The following ZNF75D variants were observed in gnomAD, a reference collection of about 807,000 sequenced individuals.
ZNF75D encodes zinc finger protein 75D, also known as zinc finger protein 75.
In ZNF75D, 33 loss-of-function variants were observed where a neutral mutation model predicts 33.3. The observed-to-expected ratio is 0.99, with a 90% CI of 0.75 to 1.32. ZNF75D has a LOEUF of 1.32. ZNF75D is among the 40% of genes most tolerant of loss of function. ZNF75D has a pLI of 0.00. For synonymous variants in ZNF75D, 113 were observed against 130.6 expected, an observed-to-expected ratio of 0.87 and a Z score of 0.92; for missense variants, 338 against 367.5, an observed-to-expected ratio of 0.92 and a Z score of 0.66.
chrX:135,288,274 C>T (rs782013106), intron 6 of ZNF75D, among the ~76,000 whole-genome samples: 11 of 112,102 alleles, frequency 9.8e-5, no homozygotes, highest in East Asian at 2.8e-4. Flanking sequence ...ATGTGACTAG[C>T]GCCAATGTGC....
At chrX:135,299,807 G>T (rs986188869) in intron 1 of ZNF75D, among the ~76,000 whole-genome samples, 2 of 112,349 alleles carry the variant, frequency 1.8e-5, no homozygotes, top group African/African-American at 6.5e-5. Flanking sequence ...ATCTAAGATA[G>T]AGGTACAACT....
At chrX:135,265,150 C>G (rs2083858148) in intron 1 of ZNF75D, among the ~76,000 whole-genome samples, 1 of 107,655 alleles carries the variant, frequency 9.3e-6, no homozygotes, top group South Asian at 4.1e-4. Flanking sequence ...ACCCGGGAGG[C>G]AGAGGTTGCA....
chrX:135,280,174 G>A (rs1281233754), intron 1 of ZNF75D, among the ~76,000 whole-genome samples: 3 of 111,741 alleles, frequency 2.7e-5, no homozygotes, highest in African/African-American at 9.8e-5. Flanking sequence ...CTCCTGTATT[G>A]GGTGCATATA....
intron 1 of ZNF75D, among the ~76,000 whole-genome samples, chrX:135,259,962 C>T (rs1198876220): frequency 1.8e-5 from 2 of 111,823 alleles, no homozygotes; most frequent in African/African-American, 3.3e-5. Context: ...TTTTGAGATA[C>T]GTTCCATCAG....
chrX:135,309,885 A>T (rs1158732895), intron 1 of ZNF75D, among the ~76,000 whole-genome samples: 13 of 111,784 alleles, frequency 1.2e-4, no homozygotes, highest in Admixed American at 1.0e-3. Flanking sequence ...CCTAACGCAC[A>T]GTGCAGGGGT....
At chrX:135,285,302 C>T (rs962076867), downstream of ZNF75D, among the ~76,000 whole-genome samples, 2 of 111,900 alleles carry the variant, frequency 1.8e-5, no homozygotes, top group African/African-American at 6.5e-5. Context: ...TTTCAGGAAT[C>T]TCAAGTTGAG....
At chrX:135,323,880 T>C (rs1352452864) in intron 1 of ZNF75D, among the ~76,000 whole-genome samples, 1 of 111,069 alleles carries the variant, frequency 9.0e-6, no homozygotes, top group Non-Finnish European at 1.9e-5. Flanking sequence ...AAGTGCATCC[T>C]TTCAGTCAGC....
At chrX:135,292,680 G>C (rs941774645) in intron 3 of ZNF75D, among the ~76,000 whole-genome samples, 2 of 112,328 alleles carry the variant, frequency 1.8e-5, no homozygotes, top group East Asian at 2.8e-4. Flanking sequence ...AGAAAAAGCT[G>C]TGACTACTGC....
chrX:135,308,995 G>C (rs781920715), intron 1 of ZNF75D, among the ~76,000 whole-genome samples: 1 of 111,972 alleles, frequency 8.9e-6, no homozygotes, highest in African/African-American at 3.2e-5. Flanking sequence ...AATGAATTTT[G>C]TTATGGATAG....
downstream of ZNF75D, among the ~76,000 whole-genome samples, chrX:135,285,362 G>C (rs1219577070): frequency 1.8e-5 from 2 of 111,914 alleles, no homozygotes; most frequent in Non-Finnish European, 3.8e-5. Context: ...ATAGCTAGCT[G>C]AATTGGGACA....
At chrX:135,273,758 G>A (rs1602588175) in intron 1 of ZNF75D, among the ~76,000 whole-genome samples, 1 of 111,606 alleles carries the variant, frequency 9.0e-6, no homozygotes, top group East Asian at 2.8e-4. Flanking sequence ...ATAATACTAA[G>A]CCCTCCTTAG....
intron 1 of ZNF75D, among the ~76,000 whole-genome samples, chrX:135,310,180 C>G (rs782676905): frequency 8.9e-6 from 1 of 112,137 alleles, no homozygotes; most frequent in South Asian, 3.7e-4. Flanking sequence ...GGGGCAACTG[C>G]TCTATTCAGT....
chrX:135,329,470 G>A (rs1204484113), intron 1 of ZNF75D, among the ~76,000 whole-genome samples: 3 of 111,427 alleles, frequency 2.7e-5, no homozygotes, highest in African/African-American at 9.8e-5. Context: ...TAGAGATGGG[G>A]TTTCACCATT....
Position 135,306,161 on chromosome X carries a change from T to C in ZNF75D, c.-390-10122A>G, listed in dbSNP as rs782415395. ...AGAGGCCAGACTGGGTCTTAAGTAT[T>C]TGTTTGCCTTCCTCCTGGTGCTCTG... On this transcript the variant is annotated intron_variant, in intron 1 of 6. Transcript: ENST00000370766. 6.3e-5 allele frequency among the ~76,000 whole-genome samples: 7 copies of C among 110,256 alleles called. No individual in the cohort carries two copies. The South Asian group carries it at 2.7e-3, about 43-fold the overall frequency.
At position 135,286,889 on chromosome X, in the gene ZNF75D, A is replaced by T; in HGVS notation, c.*248T>A. On this transcript the variant is annotated 3_prime_UTR_variant, in exon 7 of 7. Transcript: ENST00000370766. ...TAACCAGATATATACATATAGATAG[A>T]TAGCTAAAGGAATCTCATCACTACA... 1 of 374,197 alleles carries T rather than the reference A, an allele frequency of 2.7e-6. No homozygotes were observed. The highest frequency in any genetic ancestry group is 4.6e-6 in the Non-Finnish European group (1 of 219,093). 30.8% of individuals were successfully genotyped at this position (374,197 alleles called of 1,213,427 possible).
intron 1 of ZNF75D, among the ~76,000 whole-genome samples, chrX:135,304,333 T>C (rs781857398): frequency 9.0e-6 from 1 of 111,293 alleles, no homozygotes; most frequent in East Asian, 2.8e-4. Context: ...TCCTATTCCA[T>C]AGAGAATATA....
intron 1 of ZNF75D, among the ~76,000 whole-genome samples, chrX:135,296,645 T>C (rs1307135112): frequency 8.9e-6 from 1 of 112,631 alleles, no homozygotes; most frequent in Non-Finnish European, 1.9e-5. Flanking sequence ...GTCCCTTACA[T>C]TTTCAAAACC....
At chrX:135,269,395 ATC>A (rs1293263299) in intron 1 of ZNF75D, among the ~76,000 whole-genome samples, 7 of 112,459 alleles carry the variant, frequency 6.2e-5, no homozygotes, top group South Asian at 7.2e-4. Flanking sequence ...GAGCACAAAA[ATC>A]TCTACAGGAA....
rs1255281865 is a variant in ZNF75D, at chrX:135,286,656, A to G, written c.*481T>C. 4 of 113,188 alleles carry G rather than the reference A, an allele frequency of 3.5e-5. No homozygotes were observed. The highest frequency in any genetic ancestry group is 1.3e-4 in the African/African-American group (4 of 30,795). 9.3% of individuals were successfully genotyped at this position (113,188 alleles called of 1,213,427 possible). Reference sequence around the variant, plus strand: ...TAAAGTTCCCTGAGTCCTGGTCTTGATTGTTCATGTAGACAGAATGATAAC... The same window carrying G: ...TAAAGTTCCCTGAGTCCTGGTCTTGGTTGTTCATGTAGACAGAATGATAAC... On this transcript the variant is annotated 3_prime_UTR_variant, in exon 7 of 7. Transcript: ENST00000370766.
Sources: gnomAD v4.1 joint callset for allele counts (sites outside exome capture counted in the v4.1 genomes callset) on GRCh38, gnomAD v4.1.1 for gene constraint, MANE v1.5 for transcripts, NCBI Gene and HGNC (gene_info 2026-07-23, HGNC 2026-07-21) for gene names.